The following ARHGAP26 variants were observed in gnomAD, a reference collection of about 807,000 sequenced individuals.
The protein encoded by ARHGAP26 is rho GTPase-activating protein 26.
In ARHGAP26, 38 loss-of-function variants were observed where a neutral mutation model predicts 104.8. The observed-to-expected ratio is 0.36, with a 90% CI of 0.28 to 0.48. The LOEUF (loss-of-function observed/expected upper bound fraction) is 0.48. ARHGAP26 is among the 20% of genes least tolerant of loss of function. The pLI is 0.99. For missense variants in ARHGAP26, 704 were observed against 947.9 expected, an observed-to-expected ratio of 0.74 and a Z score of 3.38; for synonymous variants, 341 against 340.0, an observed-to-expected ratio of 1.00 and a Z score of -0.03.
At chr5:143,027,406 A>G (rs1781221880) in intron 12 of ARHGAP26, among the ~76,000 whole-genome samples, 1 of 149,896 alleles carries the variant, frequency 6.7e-6, no homozygotes, top group Non-Finnish European at 1.5e-5. Context: ...TTGGTCTCGA[A>G]TTCCTGACCT....
At chr5:142,927,940 A>T (rs1024563759) in intron 10 of ARHGAP26, among the ~76,000 whole-genome samples, 2 of 152,110 alleles carry the variant, frequency 1.3e-5, no homozygotes, top group African/African-American at 4.8e-5. Context: ...TCTTAGCCTT[A>T]TTGGCCATTT....
At position 142,993,351 on chromosome 5, in the gene ARHGAP26, A is replaced by G. The variant is rs1046779223; in HGVS notation, c.1108-20729A>G. 1.3e-3 allele frequency among the ~76,000 whole-genome samples: 196 copies of G among 151,834 alleles called. 1 individual carries two copies. The highest frequency in any genetic ancestry group is 6.2e-4 in the Non-Finnish European group (42 of 67,922). On this transcript the variant is annotated intron_variant, in intron 11 of 22. Transcript: ENST00000645722. ...CGCCCGGCTAATTTTTTGTATTTTTAGTAGAGATGGGGTTTCACCTTGTTA... is the reference window on the plus strand; with the variant it reads ...CGCCCGGCTAATTTTTTGTATTTTTGGTAGAGATGGGGTTTCACCTTGTTA...
chr5:143,157,057 T>C (rs1325849730), intron 20 of ARHGAP26, among the ~76,000 whole-genome samples: 6 of 152,132 alleles, frequency 3.9e-5, no homozygotes, highest in Non-Finnish European at 8.8e-5. Flanking sequence ...ATACTGAAGG[T>C]GATGGATGAG....
chr5:142,868,760 T>C lies in ARHGAP26; in HGVS notation c.155-4640T>C, dbSNP rs140644967. 9.7e-3 allele frequency: 1,468 copies of C among 151,932 alleles called. 9 individuals are homozygous for C. The highest frequency in any genetic ancestry group is 0.017 in the Non-Finnish European group (1,131 of 67,996). The allele number at this position is 151,932 out of a possible 1,614,324, so 9.4% of individuals were successfully genotyped here. A position where few individuals can be genotyped will look rare whatever the true frequency, so the allele number is the denominator to read the frequency against. ...TGAGTAGAGAGAGTTTTGTTTTGAG[T>C]GTGTTGAGTTTGACCTAGGAATGGG... On this transcript the variant is annotated intron_variant, in intron 1 of 22. Transcript: ENST00000645722.
chr5:142,861,317 T>C lies in ARHGAP26; in HGVS notation c.155-12083T>C, dbSNP rs146311983. Among the ~76,000 whole-genome samples the C allele has an allele frequency of 6.3e-3, 956 of 152,184 alleles. 8 individuals are homozygous for C. Among genetic ancestry groups the C allele is most frequent in the African/African-American group, 0.022 (909 of 41,530 alleles). Reference sequence around the variant, plus strand: ...GTGAAACCAATTTCTGGGAATGTTATTAGGTGTGGCTTTGTTCAGAATGGC... The same window carrying C: ...GTGAAACCAATTTCTGGGAATGTTACTAGGTGTGGCTTTGTTCAGAATGGC... On this transcript the variant is annotated intron_variant, in intron 1 of 22. Coordinates refer to ENST00000645722, the MANE Select transcript of ARHGAP26 (RefSeq NM_001135608.3).
chr5:143,050,605 C>A (rs950079106), intron 14 of ARHGAP26, among the ~76,000 whole-genome samples: 1 of 152,062 alleles, frequency 6.6e-6, no homozygotes, highest in Non-Finnish European at 1.5e-5. Context: ...CTGAAGAAAT[C>A]AAAATGCTTT....
chr5:143,041,757 T>C, intron 13 of ARHGAP26, 59 bp from the exon 14 acceptor site: 3 of 1,307,106 alleles, frequency 2.3e-6, no homozygotes, highest in South Asian at 2.6e-5. Flanking sequence ...TTTGGCTGGA[T>C]TGGCCTGACT....
chr5:142,891,152 C>T (rs1758601916), intron 5 of ARHGAP26, among the ~76,000 whole-genome samples: 1 of 152,090 alleles, frequency 6.6e-6, no homozygotes, highest in Non-Finnish European at 1.5e-5. Flanking sequence ...ACACATGGGG[C>T]TTAGCCGCAG....
chr5:142,842,762 T>G (rs918679231), intron 1 of ARHGAP26, among the ~76,000 whole-genome samples: 25 of 152,188 alleles, frequency 1.6e-4, no homozygotes, highest in African/African-American at 5.8e-4. Flanking sequence ...AACATTTCAT[T>G]TGGAGGAGGA....
chr5:142,775,949 A>G (rs1408424259), intron 1 of ARHGAP26, among the ~76,000 whole-genome samples: 1 of 152,178 alleles, frequency 6.6e-6, no homozygotes, highest in Non-Finnish European at 1.5e-5. Context: ...TATGATCACT[A>G]ACACTTGGAA....
intron 1 of ARHGAP26, among the ~76,000 whole-genome samples, chr5:142,821,327 T>A (rs964054983): frequency 4.1e-5 from 5 of 123,114 alleles, no homozygotes; most frequent in African/African-American, 1.4e-4. Flanking sequence ...TTTTTTTTTT[T>A]AAACTTGGCA....
At chr5:142,830,856 T>C (rs1768277522) in intron 1 of ARHGAP26, among the ~76,000 whole-genome samples, 1 of 152,246 alleles carries the variant, frequency 6.6e-6, no homozygotes, top group Non-Finnish European at 1.5e-5. Context: ...TTTTCCTTGA[T>C]ATCTGATTCC....
intron 18 of ARHGAP26, 63 bp downstream of exon 18, chr5:143,121,210 A>C: frequency 6.5e-7 from 1 of 1,542,330 alleles, no homozygotes; most frequent in South Asian, 1.2e-5. Context: ...ATTGGAATTG[A>C]CCTTCAGAGT....
At chr5:142,892,318 G>T (rs968739210) in intron 5 of ARHGAP26, among the ~76,000 whole-genome samples, 2 of 151,918 alleles carry the variant, frequency 1.3e-5, no homozygotes, top group Non-Finnish European at 2.9e-5. Context: ...AGTGGAGACT[G>T]GTGGTTTCAG....
At chr5:142,778,254 A>T (rs1756754004) in intron 1 of ARHGAP26, among the ~76,000 whole-genome samples, 2 of 152,248 alleles carry the variant, frequency 1.3e-5, no homozygotes, top group South Asian at 4.1e-4. Context: ...TAGGGGTAAA[A>T]TTAACAATAT....
intron 17 of ARHGAP26, 184 bp downstream of exon 17, chr5:143,057,931 C>A (rs2150294546): frequency 1.4e-6 from 1 of 705,504 alleles, no homozygotes; most frequent in Non-Finnish European, 2.6e-6. Context: ...TGCCAGATGG[C>A]CTTCCCAGAG....
At chr5:142,919,173 G>A in intron 10 of ARHGAP26, 1 of 398,386 alleles carries the variant, frequency 2.5e-6, no homozygotes, top group Non-Finnish European at 4.4e-6. Context: ...TCATTAGGGT[G>A]GGCCTTAATG....
chr5:142,949,579 C>T (rs904950652), intron 11 of ARHGAP26, among the ~76,000 whole-genome samples: 2 of 152,090 alleles, frequency 1.3e-5, no homozygotes, highest in Non-Finnish European at 1.5e-5. Flanking sequence ...CAAGACTTTT[C>T]AGTACAATGT....
At chr5:143,014,350 G>A (rs903046919) in intron 12 of ARHGAP26, 4 of 581,738 alleles carry the variant, frequency 6.9e-6, no homozygotes, top group Admixed American at 3.1e-5. Flanking sequence ...TTGAAATAAT[G>A]GGTCACACTT....
Sources: gnomAD v4.1 joint callset for allele counts (sites outside exome capture counted in the v4.1 genomes callset) on GRCh38, gnomAD v4.1.1 for gene constraint, MANE v1.5 for transcripts, NCBI Gene and HGNC (gene_info 2026-07-23, HGNC 2026-07-21) for gene names.